Variants in CDH13 observed in about 807,000 individuals in gnomAD.
CDH13 encodes the protein cadherin-13.
A neutral mutation model predicts 63.8 loss-of-function variants in CDH13; 24 were observed. The observed-to-expected ratio is 0.38, with a 90% CI of 0.27 to 0.53. The LOEUF is 0.53. Among genes scored for constraint, CDH13 ranks in the 20% least tolerant of loss-of-function variants. The pLI, the probability that CDH13 is intolerant of heterozygous loss-of-function variation, is 0.85. For missense variants in CDH13, 1,049 were observed against 903.1 expected (o/e 1.16, Z -2.07); for synonymous variants, 503 against 355.3 (o/e 1.42, Z -4.67).
intron 6 of CDH13, among the ~76,000 whole-genome samples, chr16:83,449,019 C>G (rs535193696): frequency 6.6e-6 from 1 of 152,150 alleles, no homozygotes. Flanking sequence ...CCTGGCAATC[C>G]TCAACAAAAG....
intron 1 of CDH13, among the ~76,000 whole-genome samples, chr16:82,668,544 A>C (rs2082651530): frequency 6.6e-6 from 1 of 152,168 alleles, no homozygotes; most frequent in Admixed American, 6.5e-5. Flanking sequence ...CTTCCTTAAG[A>C]AGGGATCTGT....
intron 7 of CDH13, among the ~76,000 whole-genome samples, chr16:83,495,548 G>T (rs2074116576): frequency 1.3e-5 from 2 of 152,156 alleles, no homozygotes; most frequent in Admixed American, 1.3e-4. Context: ...GGCATGAGAA[G>T]GGGAAAAGGG....
intron 2 of CDH13, among the ~76,000 whole-genome samples, chr16:82,866,204 T>TC (rs1277574856): frequency 6.6e-6 from 1 of 152,058 alleles, no homozygotes; most frequent in African/African-American, 2.4e-5. Context: ...TCTGGGAAGT[T>TC]CCAAACTTTC....
At chr16:83,347,868 T>G (rs1380122528) in intron 6 of CDH13, among the ~76,000 whole-genome samples, 1 of 152,172 alleles carries the variant, frequency 6.6e-6, no homozygotes, top group Non-Finnish European at 1.5e-5. Flanking sequence ...TAGCCCGCAT[T>G]TCTTCCTGGG....
chr16:83,406,423 C>G (rs9939727), intron 6 of CDH13, among the ~76,000 whole-genome samples: 9 of 151,572 alleles, frequency 5.9e-5, no homozygotes, highest in East Asian at 3.9e-4. Context: ...TCTTTCCCCC[C>G]CCGCCTCTCT....
Position 83,602,527 on chromosome 16 carries a change from G to A in CDH13, c.1034G>A (p.Gly345Asp). The A allele has an allele frequency of 6.2e-7, 1 of 1,613,906 alleles. No homozygotes were observed. Among genetic ancestry groups the A allele is most frequent in the Non-Finnish European group, 8.5e-7 (1 of 1,179,840 alleles). Residue 345 changes from glycine to aspartate, a missense_variant, in exon 8 of 14, where the codon GGC (glycine) becomes GAC (aspartate). By Grantham distance (94) the Gly-to-Asp change is moderately conservative (BLOSUM62 -1). Coordinates refer to ENST00000567109, the MANE Select transcript of CDH13 (RefSeq NM_001257.5). ...GCTGGACTGGATGTTGGATTAACAG[G>A]CACGGCCACAGCCACGATCATGATC... ...DMAGLDVGLT[G>D]TATATIMIDD...
At chr16:83,203,980 A>C (rs748945164) in intron 4 of CDH13, among the ~76,000 whole-genome samples, 1 of 152,212 alleles carries the variant, frequency 6.6e-6, no homozygotes, top group Non-Finnish European at 1.5e-5. Context: ...CAAGAGTTTG[A>C]TGTACAGAGG....
At chr16:82,766,930 A>G (rs1354988257) in intron 1 of CDH13, among the ~76,000 whole-genome samples, 1 of 152,174 alleles carries the variant, frequency 6.6e-6, no homozygotes, top group East Asian at 1.9e-4. Flanking sequence ...TTTTGCAGTG[A>G]GCACTCATGT....
chr16:82,866,852 C>T (rs567906795), intron 2 of CDH13, among the ~76,000 whole-genome samples: 6 of 152,242 alleles, frequency 3.9e-5, no homozygotes, highest in African/African-American at 7.2e-5. Context: ...CTCACTATCA[C>T]GAGAGCAGCA....
intron 12 of CDH13, among the ~76,000 whole-genome samples, chr16:83,782,059 T>C (rs1479744841): frequency 6.6e-6 from 1 of 152,258 alleles, no homozygotes; most frequent in African/African-American, 2.4e-5. Context: ...TGTCACCTTC[T>C]GGTAATGATC....
chr16:83,295,733 G>C (rs1044639900), intron 5 of CDH13, among the ~76,000 whole-genome samples: 7 of 152,088 alleles, frequency 4.6e-5, no homozygotes, highest in Admixed American at 4.6e-4. Context: ...GGGAATGTAA[G>C]TACAGCTATA....
rs370909124 is a variant in CDH13 at position 83,770,760 on chromosome 16, G to A, written c.1682-9208G>A. On this transcript the variant is annotated intron_variant, in intron 11 of 13. Transcript: ENST00000567109. Reference sequence around the variant, plus strand: ...GTGGGAGTGCAGTAGTGAGGACCACGAGAGGTCACCCTTGTCACCATGTTG... The same window carrying A: ...GTGGGAGTGCAGTAGTGAGGACCACAAGAGGTCACCCTTGTCACCATGTTG... 3.5e-4 allele frequency among the ~76,000 whole-genome samples: 53 copies of A among 152,256 alleles called. No individual in the cohort carries two copies. In the South Asian group the frequency reaches 0.011, roughly 30 times the overall value.
At chr16:82,763,677 A>G (rs555560207) in intron 1 of CDH13, among the ~76,000 whole-genome samples, 43 of 152,224 alleles carry the variant, frequency 2.8e-4, no homozygotes, top group African/African-American at 9.9e-4. Context: ...TTTTATTTTT[A>G]TTTTTATTAC....
intron 6 of CDH13, chr16:83,382,911 C>T (rs1437195294): frequency 6.6e-6 from 1 of 152,208 alleles, no homozygotes; most frequent in African/African-American, 2.4e-5. Flanking sequence ...GTATTGACAT[C>T]TAGGGCTTAG....
At chr16:83,525,010 C>T (rs552439780) in intron 7 of CDH13, among the ~76,000 whole-genome samples, 9 of 152,228 alleles carry the variant, frequency 5.9e-5, no homozygotes, top group African/African-American at 1.4e-4. Context: ...ACTTAATTTT[C>T]GGGGACGCTG....
intron 7 of CDH13, among the ~76,000 whole-genome samples, chr16:83,549,484 C>A (rs761889415): frequency 6.6e-6 from 1 of 152,150 alleles, no homozygotes; most frequent in East Asian, 1.9e-4. Flanking sequence ...CTGCCGGTTG[C>A]AGGCTGCCAT....
chr16:83,130,410 T>C (rs1384293502), intron 4 of CDH13, among the ~76,000 whole-genome samples: 2 of 152,368 alleles, frequency 1.3e-5, no homozygotes, highest in East Asian at 3.9e-4. Flanking sequence ...AATCTGAGAA[T>C]ACTCTTCCGT....
chr16:82,911,701 T>C (rs941849074), intron 2 of CDH13, among the ~76,000 whole-genome samples: 1 of 152,144 alleles, frequency 6.6e-6, no homozygotes, highest in African/African-American at 2.4e-5. Context: ...ACATGGGTGT[T>C]CAGAAGTATG....
At chr16:82,798,848 C>T (rs2036713029) in intron 1 of CDH13, among the ~76,000 whole-genome samples, 1 of 152,056 alleles carries the variant, frequency 6.6e-6, no homozygotes, top group Non-Finnish European at 1.5e-5. Flanking sequence ...GTGTTGAGTG[C>T]TTAAATGGAT....
Sources: gnomAD v4.1 joint callset for allele counts (sites outside exome capture counted in the v4.1 genomes callset) on GRCh38, gnomAD v4.1.1 for gene constraint, MANE v1.5 for transcripts, NCBI Gene and HGNC (gene_info 2026-07-23, HGNC 2026-07-21) for gene names.